PRKN: variants seen among roughly 807,000 people sequenced by gnomAD.
PRKN encodes the protein parkin RBR E3 ubiquitin protein ligase.
In PRKN, 56 loss-of-function variants were observed where a neutral mutation model predicts 59.5. The observed-to-expected ratio is 0.94, with a 90% CI of 0.76 to 1.18. PRKN has a LOEUF of 1.18. PRKN is among the 50% of genes most tolerant of loss of function. PRKN has a pLI of 0.00. For missense variants in PRKN, 657 were observed against 596.4 expected, an observed-to-expected ratio of 1.10 and a Z score of -1.06; for synonymous variants, 250 against 222.1, an observed-to-expected ratio of 1.13 and a Z score of -1.12.
At chr6:162,320,383 A>AC (rs1222191395) in intron 2 of PRKN, among the ~76,000 whole-genome samples, 1 of 109,850 alleles carries the variant, frequency 9.1e-6, no homozygotes, top group Non-Finnish European at 2.2e-5. Flanking sequence ...AAAAAAAAAA[A>AC]ACCAAGCATT....
intron 1 of PRKN, among the ~76,000 whole-genome samples, chr6:162,707,057 A>G (rs545419964): frequency 8.5e-5 from 13 of 152,332 alleles, no homozygotes; most frequent in African/African-American, 2.9e-4. Flanking sequence ...TGTAGAGTGA[A>G]TATAGAAAAG....
At position 161,402,768 on chromosome 6, in the gene PRKN, A is replaced by G. The variant is rs10945748; in HGVS notation, c.1084-15891T>C. The stretch of plus-strand genomic sequence containing the variant: ...GAGGGGGAGGAGGTTAGAGGAGGGC[A>G]AGGAGAGGAATTGTATGGTGAATAA... On this transcript the variant is annotated intron_variant, in intron 9 of 11. Transcript: ENST00000366898. This position sits in a 1 kb window ranked among gnomAD's most constrained non-coding sequence, Gnocchi z 4.5. Among the ~76,000 whole-genome samples, 32,435 of 151,858 alleles carry G rather than the reference A, an allele frequency of 0.21. 3,571 individuals are homozygous for G. Among genetic ancestry groups the G allele is most frequent in the South Asian group, 0.29 (1,377 of 4,806 alleles).
intron 5 of PRKN, among the ~76,000 whole-genome samples, chr6:162,027,551 T>C (rs568837137): frequency 6.6e-6 from 1 of 152,148 alleles, no homozygotes; most frequent in African/African-American, 2.4e-5. Context: ...TAAAGAAATA[T>C]CAGCAATTTC....
chr6:162,088,042 G>A (rs963157753), intron 4 of PRKN, among the ~76,000 whole-genome samples: 22 of 152,268 alleles, frequency 1.4e-4, no homozygotes, highest in African/African-American at 5.1e-4. Context: ...GGGGATGCAA[G>A]GGATGCAATC....
chr6:161,694,911 G>A (rs541964585), intron 7 of PRKN, among the ~76,000 whole-genome samples: 4 of 152,212 alleles, frequency 2.6e-5, no homozygotes, highest in African/African-American at 9.6e-5. Flanking sequence ...ACTCACTGCG[G>A]GATCAGAATC....
At chr6:162,257,693 A>C (rs916866052) in intron 3 of PRKN, among the ~76,000 whole-genome samples, 18 of 152,098 alleles carry the variant, frequency 1.2e-4, no homozygotes, top group Non-Finnish European at 2.2e-4. Flanking sequence ...CTATAGTGCC[A>C]GGTTTGCGGC....
chr6:162,248,656 A>C (rs1433235222), intron 3 of PRKN, among the ~76,000 whole-genome samples: 1 of 152,146 alleles, frequency 6.6e-6, no homozygotes, highest in Admixed American at 6.6e-5. Flanking sequence ...TCCAGGACTT[A>C]TTTTAGTCTG....
intron 9 of PRKN, among the ~76,000 whole-genome samples, chr6:161,420,994 A>G (rs547703226): frequency 2.3e-3 from 345 of 152,204 alleles, no homozygotes; most frequent in Non-Finnish European, 3.8e-3. Context: ...GCTAACCCCT[A>G]ATTTTGTATG....
At chr6:161,358,659 T>C (rs1784857157) in intron 11 of PRKN, among the ~76,000 whole-genome samples, 1 of 152,076 alleles carries the variant, frequency 6.6e-6, no homozygotes, top group South Asian at 2.1e-4. Flanking sequence ...GGCCTGTTTA[T>C]CCCAAACCAT....
intron 1 of PRKN, among the ~76,000 whole-genome samples, chr6:162,511,753 C>T (rs1057464524): frequency 6.6e-6 from 1 of 152,104 alleles, no homozygotes; most frequent in Non-Finnish European, 1.5e-5. Context: ...CATCCCTGCA[C>T]CTGAGTCTAA....
At chr6:161,861,016 G>C (rs1793874590) in intron 6 of PRKN, among the ~76,000 whole-genome samples, 1 of 152,236 alleles carries the variant, frequency 6.6e-6, no homozygotes, top group Non-Finnish European at 1.5e-5. Context: ...GTGGAAGACA[G>C]TGTGGCGATT....
rs1191413145 is a variant in PRKN at position 161,402,992 on chromosome 6, A to G, written c.1084-16115T>C. Among the ~76,000 whole-genome samples the G allele has an allele frequency of 2.6e-5, 4 of 152,154 alleles. No homozygotes were observed. Among genetic ancestry groups the G allele is most frequent in the Non-Finnish European group, 4.4e-5 (3 of 68,030 alleles). On this transcript the variant is annotated intron_variant, in intron 9 of 11. Coordinates refer to ENST00000366898, the MANE Select transcript of PRKN (RefSeq NM_004562.3). The surrounding 1 kb of genome is among the most constrained non-coding windows in gnomAD (Gnocchi z 4.5). ...TTTGCAGAGAAGCTAGTTCAGAGAA[A>G]GGCCCTCCCCGAATTTGCTGTTCCC...
intron 4 of PRKN, among the ~76,000 whole-genome samples, chr6:162,149,930 G>C (rs1333064466): frequency 2.6e-5 from 4 of 152,088 alleles, no homozygotes; most frequent in African/African-American, 9.7e-5. Context: ...CCCCATGAAT[G>C]AATGTTTTGT....
intron 9 of PRKN, among the ~76,000 whole-genome samples, chr6:161,537,462 T>G (rs1454213176): frequency 6.6e-6 from 1 of 152,028 alleles, no homozygotes; most frequent in Non-Finnish European, 1.5e-5. Context: ...CTTTTTTCTT[T>G]TTTTTTTGAG....
intron 1 of PRKN, among the ~76,000 whole-genome samples, chr6:162,646,020 G>A (rs1267382161): frequency 6.6e-6 from 1 of 151,666 alleles, no homozygotes; most frequent in African/African-American, 2.4e-5. Flanking sequence ...GACTTCAGGC[G>A]CCTGCCACCA....
chr6:161,597,832 G>A (rs1021147985), intron 7 of PRKN, among the ~76,000 whole-genome samples: 9 of 91,258 alleles, frequency 9.9e-5, no homozygotes, highest in Non-Finnish European at 1.2e-4. Context: ...CTGATCCAGC[G>A]TGCGCACACA....
chr6:162,341,832 C>A (rs1206683965), intron 2 of PRKN, among the ~76,000 whole-genome samples: 1 of 151,814 alleles, frequency 6.6e-6, no homozygotes, highest in Non-Finnish European at 1.5e-5. Flanking sequence ...GTGCAGGAAA[C>A]CACCATGGCA....
intron 9 of PRKN, among the ~76,000 whole-genome samples, chr6:161,535,444 T>C (rs1779377895): frequency 6.6e-6 from 1 of 152,178 alleles, no homozygotes; most frequent in Non-Finnish European, 1.5e-5. Context: ...CACAAGTGAA[T>C]GGTATTTGAG....
In PRKN at chr6:162,356,772, A is replaced by G. The variant is rs1055711918; in HGVS notation, c.171+86538T>C. 5.6e-5 allele frequency among the ~76,000 whole-genome samples: 8 copies of G among 141,746 alleles called. No homozygotes were observed. The South Asian group carries it at 8.8e-4, about 16-fold the overall frequency. 93.0% of individuals were successfully genotyped at this position (141,746 alleles called of 152,430 possible). On this transcript the variant is annotated intron_variant, in intron 2 of 11. Coordinates refer to ENST00000366898, the MANE Select transcript of PRKN (RefSeq NM_004562.3). ...TAAAAAAAAAAAAAAAAAAAAAAAG[A>G]TAAGATAGACAATAAACAAATCAAT...
Sources: allele counts gnomAD v4.1 joint callset (sites outside exome capture counted in the v4.1 genomes callset), GRCh38; gene constraint gnomAD v4.1.1; non-coding constraint Gnocchi (gnomAD v3.1); transcripts MANE v1.5; gene names NCBI Gene and HGNC (gene_info 2026-07-23, HGNC 2026-07-21).